The following NTRK2 variants were observed in gnomAD, a reference collection of about 807,000 sequenced individuals.
The protein encoded by NTRK2 is neurotrophic receptor tyrosine kinase 2.
A neutral mutation model predicts 94.5 loss-of-function variants in NTRK2; 13 were observed. The observed-to-expected ratio is 0.14, with a 90% CI of 0.09 to 0.22. NTRK2 has a LOEUF of 0.22. NTRK2 is among the 10% of genes least tolerant of loss of function. The probability of loss-of-function intolerance (pLI) is 1.00; values close to 1 mark genes in which losing one functional copy is unlikely to be tolerated. For synonymous variants in NTRK2, 372 were observed against 407.4 expected (o/e 0.91, Z 1.05); for missense variants, 639 against 1,071.2 (o/e 0.60, Z 5.63).
intron 12 of NTRK2, among the ~76,000 whole-genome samples, chr9:84,858,616 T>C (rs767164993): frequency 4.1e-4 from 62 of 152,050 alleles, no homozygotes; most frequent in Non-Finnish European, 7.2e-4. Flanking sequence ...CAACCCTCCG[T>C]TGGAATAGAG....
chr9:84,793,246 T>A (rs185447456), intron 12 of NTRK2, among the ~76,000 whole-genome samples: 40 of 152,062 alleles, frequency 2.6e-4, no homozygotes, highest in African/African-American at 8.9e-4. Context: ...GAAAATACCA[T>A]ATTGAGAACA....
chr9:84,907,531 T>G (rs1341642074), intron 14 of NTRK2, among the ~76,000 whole-genome samples: 1 of 152,200 alleles, frequency 6.6e-6, no homozygotes, highest in Non-Finnish European at 1.5e-5. Context: ...AGCACACATA[T>G]TTTTGTGCCT....
intron 17 of NTRK2, among the ~76,000 whole-genome samples, chr9:84,990,025 T>C (rs375151903): frequency 4.6e-5 from 7 of 152,160 alleles, no homozygotes; most frequent in African/African-American, 1.7e-4. Flanking sequence ...TTTTTTGCCT[T>C]TCACTCCTTG....
intron 9 of NTRK2, among the ~76,000 whole-genome samples, chr9:84,740,125 C>T (rs1039331000): frequency 6.6e-6 from 1 of 152,160 alleles, no homozygotes; most frequent in African/African-American, 2.4e-5. Flanking sequence ...AGAATCTTTC[C>T]TTCAGCAGGG....
chr9:84,892,050 C>A (rs1405430059), intron 14 of NTRK2, among the ~76,000 whole-genome samples: 1 of 152,066 alleles, frequency 6.6e-6, no homozygotes, highest in African/African-American at 2.4e-5. Context: ...GGAGTTTTTT[C>A]ACTGCAATCA....
At chr9:84,997,435 C>T (rs1829881840) in intron 17 of NTRK2, among the ~76,000 whole-genome samples, 1 of 152,182 alleles carries the variant, frequency 6.6e-6, no homozygotes, top group African/African-American at 2.4e-5. Context: ...TGTTTAGACA[C>T]TCAGACCCAG....
intron 17 of NTRK2, among the ~76,000 whole-genome samples, chr9:84,994,083 G>A (rs1829433358): frequency 1.4e-4 from 21 of 151,884 alleles, no homozygotes; most frequent in Admixed American, 1.4e-3. Context: ...GCCACTAAAG[G>A]GTTACTTCCA....
intron 14 of NTRK2, among the ~76,000 whole-genome samples, chr9:84,919,046 A>G (rs546639064): frequency 7.2e-5 from 11 of 152,234 alleles, no homozygotes; most frequent in African/African-American, 2.4e-4. Context: ...TCCCCTATCT[A>G]CACATACATT....
intron 2 of NTRK2, among the ~76,000 whole-genome samples, chr9:84,694,250 A>G (rs749638433): frequency 6.6e-6 from 1 of 152,134 alleles, no homozygotes; most frequent in Non-Finnish European, 1.5e-5. Context: ...GAAAAATGGG[A>G]ACAATCATAG....
intron 14 of NTRK2, among the ~76,000 whole-genome samples, chr9:84,912,358 A>G (rs1195091423): frequency 2.0e-5 from 3 of 152,108 alleles, no homozygotes; most frequent in Non-Finnish European, 2.9e-5. Context: ...GAAGTCTCCA[A>G]CTATAATTGT....
chr9:84,684,215 A>C (rs1320322956), intron 2 of NTRK2, among the ~76,000 whole-genome samples: 1 of 152,054 alleles, frequency 6.6e-6, no homozygotes, highest in Admixed American at 6.5e-5. Flanking sequence ...CCCATTTGTC[A>C]AGTTTGGCTT....
Position 84,702,202 on chromosome 9 carries a change from G to A in NTRK2, c.256G>A (p.Asp86Asn). ...AAGGTTAGAAATCATCAACGAAGAT[G>A]ATGTTGAAGCTTATGTGGGACTGAG... is the stretch of plus-strand genomic sequence containing the variant. ...QKRLEIINED[D>N]VEAYVGLRNL... Residue 86 changes from aspartate to asparagine, a missense_variant, in exon 3 of 19, where the codon GAT (aspartate) becomes AAT (asparagine). By Grantham distance (23) the Asp-to-Asn change is conservative (BLOSUM62 1). Around this residue, in one of 5 missense-constraint regions of NTRK2, gnomAD observed 206 missense variants for 251.5 expected, o/e 0.82. Coordinates refer to ENST00000277120, the MANE Select transcript of NTRK2 (RefSeq NM_006180.6). The A allele has an allele frequency of 6.2e-7, 1 of 1,614,222 alleles. No individual in the cohort carries two copies. The highest frequency in any genetic ancestry group is 8.5e-7 in the Non-Finnish European group (1 of 1,180,028).
At chr9:84,978,422 G>GA (rs34935274) in intron 17 of NTRK2, among the ~76,000 whole-genome samples, 1 of 152,148 alleles carries the variant, frequency 6.6e-6, no homozygotes, top group Non-Finnish European at 1.5e-5. Context: ...GCCAAATTTA[G>GA]AAAAAGGCTC....
intron 13 of NTRK2, 66 bp from the exon 14 acceptor site, chr9:84,867,177 G>T: frequency 1.3e-6 from 2 of 1,488,536 alleles, no homozygotes; most frequent in Non-Finnish European, 1.9e-6. Context: ...TAAATTTTAT[G>T]TATGTGAATT....
At chr9:84,894,157 ACTATTT>A (rs2076684166) in intron 14 of NTRK2, among the ~76,000 whole-genome samples, 2 of 150,326 alleles carry the variant, frequency 1.3e-5, no homozygotes, top group Non-Finnish European at 3.0e-5. Flanking sequence ...GTGTTACTTG[ACTATTT>A]GGGAGAATAT....
intron 12 of NTRK2, among the ~76,000 whole-genome samples, chr9:84,804,120 T>C (rs1244282504): frequency 6.6e-6 from 1 of 151,724 alleles, no homozygotes; most frequent in African/African-American, 2.4e-5. Flanking sequence ...ACAAATTTTA[T>C]TTTCACCTAC....
Position 84,845,250 on chromosome 9 carries a change from T to TACAC in NTRK2, c.1397-15759_1397-15756dup, listed in dbSNP as rs58910921. On this transcript the variant is annotated intron_variant, in intron 12 of 18. Transcript: ENST00000277120. The stretch of plus-strand genomic sequence containing the variant: ...AGTGGATAAAGAAAAATGTGGTGTA[T>TACAC]ACACACACACACACACACACACACA... Among the ~76,000 whole-genome samples the TACAC allele has an allele frequency of 9.9e-3, 1,467 of 147,988 alleles. 12 individuals are homozygous for TACAC. Among genetic ancestry groups the TACAC allele is most frequent in the African/African-American group, 0.014 (540 of 39,954 alleles).
chr9:84,703,621 ACT>A (rs550081899), intron 4 of NTRK2, among the ~76,000 whole-genome samples: 134 of 152,272 alleles, frequency 8.8e-4, no homozygotes, highest in African/African-American at 3.2e-3. Context: ...TTGCCTGGAC[ACT>A]CTATTGAAAT....
chr9:84,701,474 G>A (rs1238380657), intron 2 of NTRK2, among the ~76,000 whole-genome samples: 3 of 152,258 alleles, frequency 2.0e-5, no homozygotes, highest in African/African-American at 7.2e-5. Flanking sequence ...GCCCACCAAT[G>A]TGGGCAAAGG....
Sources: allele counts gnomAD v4.1 joint callset (sites outside exome capture counted in the v4.1 genomes callset), GRCh38; gene constraint gnomAD v4.1.1; regional missense constraint gnomAD v4.1.1; transcripts MANE v1.5; gene names NCBI Gene and HGNC (gene_info 2026-07-23, HGNC 2026-07-21).